The following EBNA1BP2 variants were observed in gnomAD, a reference collection of about 807,000 sequenced individuals.
EBNA1BP2 encodes the protein probable rRNA-processing protein EBP2.
Under a neutral mutation model 43.5 loss-of-function variants are expected in EBNA1BP2, and 36 were observed. That is an observed-to-expected ratio of 0.83 (90% confidence interval 0.63 to 1.09). The LOEUF is 1.09. EBNA1BP2 is among the 50% of genes least tolerant of loss of function. The pLI is 0.00. For synonymous variants in EBNA1BP2, 127 were observed against 141.3 expected (o/e 0.90, Z 0.72); for missense variants, 332 against 379.1 (o/e 0.88, Z 1.03).
At chr1:43,166,992 C>T in intron 6 of EBNA1BP2, 73 bp from the exon 7 acceptor site, 1 of 1,538,462 alleles carries the variant, frequency 6.5e-7, no homozygotes, top group Admixed American at 1.8e-5. Context: ...CCATATGAGG[C>T]TGTTATTTGC....
In EBNA1BP2 at chr1:43,172,058, T is replaced by C. The variant is rs2124178255; in HGVS notation, c.61A>G (p.Arg21Gly). ...CGAGCTCGGCTGACACCTACCTCTCTGTCTGTGACAAGGGATTCATCGGAT... is the reference window on the plus strand; with the variant it reads ...CGAGCTCGGCTGACACCTACCTCTCCGTCTGTGACAAGGGATTCATCGGAT... Reference protein sequence around the residue: ...SESDESLVTDRELQDAFSRGL... With the variant: ...SESDESLVTDGELQDAFSRGL... Residue 21 changes from arginine to glycine, a missense_variant, in exon 1 of 9, where the codon AGA (arginine) becomes GGA (glycine). Physicochemically the swap from Arg to Gly is moderately radical, Grantham distance 125. This residue lies in a region of EBNA1BP2 where 182 missense variants were observed against 173.7 expected (regional missense o/e 1.05). Transcript: ENST00000236051. The C allele has an allele frequency of 6.2e-7, 1 of 1,614,028 alleles. No homozygotes were observed. Among genetic ancestry groups the C allele is most frequent in the African/African-American group, 1.3e-5 (1 of 75,018 alleles).
At chr1:43,169,722 C>G (rs1183011752) in intron 4 of EBNA1BP2, among the ~76,000 whole-genome samples, 2 of 152,148 alleles carry the variant, frequency 1.3e-5, no homozygotes, top group East Asian at 1.9e-4. Flanking sequence ...GACCTCAACT[C>G]CCAGGCCACA....
chr1:43,170,918 A>G (rs556970373), intron 3 of EBNA1BP2, 39 bp from the exon 4 acceptor site: 1 of 1,516,374 alleles, frequency 6.6e-7, no homozygotes, highest in Non-Finnish European at 8.8e-7. Flanking sequence ...GAGGTGAAGG[A>G]GGAGGCCTTA....
At chr1:43,172,440 G>A (rs1419464637), upstream of EBNA1BP2, 45 of 1,549,314 alleles carry the variant, frequency 2.9e-5, no homozygotes, top group Middle Eastern at 5.1e-4. Context: ...TGCTGACCCA[G>A]AGAGAAACGA....
chr1:43,172,172 C>T lies in EBNA1BP2; in HGVS notation c.-54G>A. On this transcript the variant is annotated 5_prime_UTR_variant, in exon 1 of 9. Coordinates refer to ENST00000236051, the MANE Select transcript of EBNA1BP2 (RefSeq NM_006824.3). ...GGAAGAAACGGGGTATCCCGAGACC[C>T]AAGCGGCTAGCAGAGGGCGGCCCTG... 1 of 1,612,104 alleles carries T rather than the reference C, an allele frequency of 6.2e-7. No homozygotes were observed. The highest frequency in any genetic ancestry group is 8.5e-7 in the Non-Finnish European group (1 of 1,179,062).
intron 3 of EBNA1BP2, 105 bp downstream of exon 3, chr1:43,171,374 C>T: frequency 7.1e-7 from 1 of 1,407,288 alleles, no homozygotes; most frequent in Non-Finnish European, 9.5e-7. Context: ...AAGCCGCTCT[C>T]TCTACTCCTA....
chr1:43,170,647 C>T (rs1048750964), intron 4 of EBNA1BP2, 109 bp downstream of exon 4: 1 of 1,474,476 alleles, frequency 6.8e-7, no homozygotes, highest in African/African-American at 1.5e-5. Flanking sequence ...AATAATTGTC[C>T]TCTGACAACT....
rs550680551 is a variant in EBNA1BP2 at position 43,171,379 on chromosome 1, C to T, written c.323+100G>A. ...TAGTCAAAAGAAGCCGCTCTCTCTA[C>T]TCCTAGGCTTATTCTGAGTGCAGAC... On this transcript the variant is annotated intron_variant, in intron 3 of 8. Coordinates refer to ENST00000236051, the MANE Select transcript of EBNA1BP2 (RefSeq NM_006824.3). 161 of 1,447,320 alleles carry T rather than the reference C, an allele frequency of 1.1e-4. No homozygotes were observed. In the African/African-American group the frequency reaches 2.2e-3, roughly 19 times the overall value. The allele number at this position is 1,447,320 out of a possible 1,614,324, so 89.7% of individuals were successfully genotyped here.
At chr1:43,168,396 T>C (rs1311278066) in intron 5 of EBNA1BP2, among the ~76,000 whole-genome samples, 1 of 152,260 alleles carries the variant, frequency 6.6e-6, no homozygotes, top group Non-Finnish European at 1.5e-5. Flanking sequence ...AGAAAAGTTT[T>C]AGGGTATGCC....
chr1:43,166,511 A>G (rs1644919046), intron 7 of EBNA1BP2, among the ~76,000 whole-genome samples: 1 of 152,152 alleles, frequency 6.6e-6, no homozygotes, highest in Admixed American at 6.5e-5. Context: ...CAGGAGGCTG[A>G]GGCACAGAAT....
At chr1:43,165,646 T>C (rs539577082) in intron 7 of EBNA1BP2, among the ~76,000 whole-genome samples, 145 of 152,304 alleles carry the variant, frequency 9.5e-4, no homozygotes, top group African/African-American at 3.4e-3. Context: ...TAGTACAACC[T>C]ACAACCTAGT....
In EBNA1BP2 at chr1:43,171,633, A is replaced by G. The variant is rs751669792; in HGVS notation, c.169T>C (p.Leu57=). The change falls in exon 3 of 9, where the codon TTG becomes CTG. Residue 57 remains leucine, a synonymous_variant. Transcript: ENST00000236051. ...VNDVNGLKQC[L]AEFKRDLEWV... Reference sequence around the variant, plus strand: ...TCCAGATCCCGCTTGAATTCTGCCAAACATTGCTTCAGGCCATTCTAGGAA... The same window carrying G: ...TCCAGATCCCGCTTGAATTCTGCCAGACATTGCTTCAGGCCATTCTAGGAA... 5.0e-6 allele frequency: 8 copies of G among 1,613,846 alleles called. No individual in the cohort carries two copies. The highest frequency in any genetic ancestry group is 6.8e-6 in the Non-Finnish European group (8 of 1,179,966).
intron 4 of EBNA1BP2, among the ~76,000 whole-genome samples, chr1:43,169,886 G>C (rs1644944058): frequency 6.6e-6 from 1 of 152,252 alleles, no homozygotes; most frequent in African/African-American, 2.4e-5. Flanking sequence ...GAACTCTACT[G>C]TGAACTATGC....
chr1:43,172,486 A>G, upstream of EBNA1BP2: 1 of 1,494,166 alleles, frequency 6.7e-7, no homozygotes, highest in Non-Finnish European at 9.0e-7. Flanking sequence ...CGCCAGAAGG[A>G]GCTGGTAGCA....
Position 43,172,158 on chromosome 1 carries a change from G to A in EBNA1BP2, c.-40C>T. ...GTCCCACACCTACAGGAAGAAACGG[G>A]GTATCCCGAGACCCAAGCGGCTAGC... On this transcript the variant is annotated 5_prime_UTR_variant, in exon 1 of 9. Coordinates refer to ENST00000236051, the MANE Select transcript of EBNA1BP2 (RefSeq NM_006824.3). 6.2e-7 allele frequency: 1 copy of A among 1,613,686 alleles called. No individual in the cohort carries two copies. The highest frequency in any genetic ancestry group is 8.5e-7 in the Non-Finnish European group (1 of 1,179,820).
Position 43,172,264 on chromosome 1 carries a change from A to G in EBNA1BP2, c.-146T>C. 2 of 1,554,320 alleles carry G rather than the reference A, an allele frequency of 1.3e-6. No individual in the cohort carries two copies. ...GCTCCACGTGCCACCGAATCGCTCCAGCGCCAGCAACTCACAGCTACTGCT... is the reference window on the plus strand; with the variant it reads ...GCTCCACGTGCCACCGAATCGCTCCGGCGCCAGCAACTCACAGCTACTGCT... On this transcript the variant is annotated 5_prime_UTR_variant, in exon 1 of 9. Coordinates refer to ENST00000236051, the MANE Select transcript of EBNA1BP2 (RefSeq NM_006824.3).
At chr1:43,165,236 T>A (rs893323061) in intron 7 of EBNA1BP2, among the ~76,000 whole-genome samples, 1 of 152,216 alleles carries the variant, frequency 6.6e-6, no homozygotes, top group Non-Finnish European at 1.5e-5. Flanking sequence ...AACATTCAAA[T>A]GTAATTATAG....
Position 43,166,738 on chromosome 1 carries a change from G to A in EBNA1BP2, c.707+88C>T, listed in dbSNP as rs542245736. The stretch of plus-strand genomic sequence containing the variant: ...ACTCTCTGGACTCTATGGCTGCGCC[G>A]GTGGAGGTGCTATGTCTGCCATACT... On this transcript the variant is annotated intron_variant, in intron 7 of 8. Transcript: ENST00000236051. 185 of 1,331,160 alleles carry A rather than the reference G, an allele frequency of 1.4e-4. 1 individual carries two copies. The highest frequency in any genetic ancestry group is 1.6e-4 in the Non-Finnish European group (155 of 958,814). 82.5% of individuals were successfully genotyped at this position (1,331,160 alleles called of 1,614,324 possible). A position where few individuals can be genotyped will look rare whatever the true frequency, so the allele number is the denominator to read the frequency against.
At position 43,171,950 on chromosome 1, in the gene EBNA1BP2, C is replaced by A. The variant is rs761612444; in HGVS notation, c.86G>T (p.Arg29Leu). 1 of 1,614,164 alleles carries A rather than the reference C, an allele frequency of 6.2e-7. No individual in the cohort carries two copies. Among genetic ancestry groups the A allele is most frequent in the Non-Finnish European group, 8.5e-7 (1 of 1,180,024 alleles). The change falls in exon 2 of 9, where the codon CGA becomes CTA. Residue 29 changes from arginine to leucine, a missense_variant. By Grantham distance (102) the Arg-to-Leu change is moderately radical. This residue lies in a region of EBNA1BP2 where 182 missense variants were observed against 173.7 expected (regional missense o/e 1.05). Transcript: ENST00000236051. ...TDRELQDAFS[R>L]GLLKPGLNVV... ...ATTGAGGCCTGGCTTCAGAAGCCCT[C>A]GGGAAAACGCATCCTGCAACTGCAG...
Sources: gnomAD v4.1 joint callset for allele counts (sites outside exome capture counted in the v4.1 genomes callset) on GRCh38, gnomAD v4.1.1 for gene constraint, gnomAD v4.1.1 regional missense constraint, MANE v1.5 for transcripts, NCBI Gene and HGNC (gene_info 2026-07-23, HGNC 2026-07-21) for gene names.